PRKD1: variants seen among roughly 807,000 people sequenced by gnomAD.
PRKD1 encodes serine/threonine-protein kinase D1.
PRKD1 carries 63 observed loss-of-function variants against 95.9 expected under a neutral mutation model. The observed-to-expected ratio is 0.66, with a 90% confidence interval of 0.54 to 0.81. The LOEUF (loss-of-function observed/expected upper bound fraction) is 0.81, where lower values mean the gene tolerates loss of function less well. Among genes scored for constraint, PRKD1 ranks in the 30% least tolerant of loss-of-function variants. PRKD1 has a pLI of 0.00. For missense variants in PRKD1, 1,048 were observed against 1,165.3 expected, an observed-to-expected ratio of 0.90 and a Z score of 1.47; for synonymous variants, 425 against 423.1, an observed-to-expected ratio of 1.00 and a Z score of -0.05.
chr14:29,779,761 T>C (rs1291136321), intron 1 of PRKD1, among the ~76,000 whole-genome samples: 1 of 152,160 alleles, frequency 6.6e-6, no homozygotes, highest in Non-Finnish European at 1.5e-5. Context: ...TACCAATGAC[T>C]TTCTTCACAG....
At chr14:29,856,689 G>A (rs1892518069) in intron 1 of PRKD1, among the ~76,000 whole-genome samples, 1 of 152,154 alleles carries the variant, frequency 6.6e-6, no homozygotes, top group Admixed American at 6.5e-5. Context: ...TGAAGTCCAG[G>A]AAAGAGTCCA....
intron 6 of PRKD1, among the ~76,000 whole-genome samples, chr14:29,638,078 AT>A (rs796418866): frequency 2.0e-5 from 3 of 150,970 alleles, no homozygotes; most frequent in Non-Finnish European, 3.0e-5. Context: ...AAATACATCT[AT>A]TTTTTTTTGG....
intron 1 of PRKD1, among the ~76,000 whole-genome samples, chr14:29,839,561 G>C (rs1435061476): frequency 6.6e-6 from 1 of 152,150 alleles, no homozygotes; most frequent in Non-Finnish European, 1.5e-5. Flanking sequence ...AGCTCCACCA[G>C]GCAGTGCCCC....
At chr14:29,687,478 G>A (rs1883949271) in intron 2 of PRKD1, among the ~76,000 whole-genome samples, 1 of 152,146 alleles carries the variant, frequency 6.6e-6, no homozygotes, top group African/African-American at 2.4e-5. Context: ...CTTCTTCAAG[G>A]TCAACAGCCT....
At chr14:29,844,074 G>C (rs17388480) in intron 1 of PRKD1, among the ~76,000 whole-genome samples, 24,011 of 152,174 alleles carry the variant, frequency 0.16, 2,055 homozygotes, top group Non-Finnish European at 0.2. Context: ...TTGTGTGGAG[G>C]GCCTGGGATA....
chr14:29,865,496 G>A (rs569837062), intron 1 of PRKD1, among the ~76,000 whole-genome samples: 5 of 152,148 alleles, frequency 3.3e-5, no homozygotes, highest in Non-Finnish European at 7.4e-5. Context: ...TATTGTTTGA[G>A]TTGGTTCATT....
chr14:29,632,016 GT>G (rs1880040123), intron 9 of PRKD1, among the ~76,000 whole-genome samples: 1 of 151,268 alleles, frequency 6.6e-6, no homozygotes, highest in Non-Finnish European at 1.5e-5. Context: ...GGCCAGGCTG[GT>G]CTAGAACTCC....
At chr14:29,684,012 C>T (rs1000423483) in intron 2 of PRKD1, among the ~76,000 whole-genome samples, 1 of 152,190 alleles carries the variant, frequency 6.6e-6, no homozygotes, top group African/African-American at 2.4e-5. Flanking sequence ...GCCCAAATGT[C>T]TTAATGCCGT....
At chr14:29,776,256 A>G (rs1286336879) in intron 1 of PRKD1, among the ~76,000 whole-genome samples, 1 of 152,220 alleles carries the variant, frequency 6.6e-6, no homozygotes, top group Non-Finnish European at 1.5e-5. Context: ...CTCCAAAGGA[A>G]TGCAGCTCCT....
chr14:29,695,324 ATC>A (rs1404633033), intron 2 of PRKD1, among the ~76,000 whole-genome samples: 3 of 152,048 alleles, frequency 2.0e-5, no homozygotes, highest in African/African-American at 7.3e-5. Context: ...GAGTGATATG[ATC>A]CAGTGTAGAA....
chr14:29,910,359 G>A lies in PRKD1; in HGVS notation c.264+16890C>T, dbSNP rs561670733. 2.0e-4 allele frequency among the ~76,000 whole-genome samples: 30 copies of A among 152,136 alleles called. 1 individual carries two copies. In the South Asian group the frequency reaches 6.0e-3, roughly 31 times the overall value. Reference sequence around the variant, plus strand: ...ACCAGAAGGAATAAACTCTGAACACGTCCGAACATCAGAAGGAACAAACTC... The same window carrying A: ...ACCAGAAGGAATAAACTCTGAACACATCCGAACATCAGAAGGAACAAACTC... On this transcript the variant is annotated intron_variant, in intron 1 of 17. Coordinates refer to ENST00000331968, the MANE Select transcript of PRKD1 (RefSeq NM_002742.3).
intron 2 of PRKD1, among the ~76,000 whole-genome samples, chr14:29,712,820 A>G (rs1885398504): frequency 2.6e-5 from 4 of 152,160 alleles, no homozygotes; most frequent in Non-Finnish European, 4.4e-5. Flanking sequence ...AACCAACAGA[A>G]TGAGAGTGCT....
intron 1 of PRKD1, among the ~76,000 whole-genome samples, chr14:29,919,476 G>A (rs555148517): frequency 2.0e-5 from 3 of 152,242 alleles, no homozygotes; most frequent in South Asian, 2.1e-4. Flanking sequence ...ACAGAACAAC[G>A]TGAATTTCTC....
intron 1 of PRKD1, among the ~76,000 whole-genome samples, chr14:29,730,715 C>G (rs371615805): frequency 1.2e-4 from 19 of 152,102 alleles, no homozygotes; most frequent in African/African-American, 4.3e-4. Flanking sequence ...TATTAACATT[C>G]CGGACATGAT....
intron 4 of PRKD1, among the ~76,000 whole-genome samples, chr14:29,644,115 G>A (rs1880974722): frequency 6.6e-6 from 1 of 152,184 alleles, no homozygotes; most frequent in Non-Finnish European, 1.5e-5. Flanking sequence ...TAGTGGATGA[G>A]ACGTTTCAAT....
At chr14:29,616,847 T>C (rs538490387) in intron 13 of PRKD1, among the ~76,000 whole-genome samples, 10 of 152,334 alleles carry the variant, frequency 6.6e-5, no homozygotes, top group Non-Finnish European at 1.2e-4. Flanking sequence ...GGGTTTGTTA[T>C]ATAGTTGAAT....
chr14:29,904,545 A>T (rs1342111904), intron 1 of PRKD1, among the ~76,000 whole-genome samples: 7 of 152,194 alleles, frequency 4.6e-5, no homozygotes, highest in Non-Finnish European at 8.8e-5. Flanking sequence ...CAGCTGATAA[A>T]TGTTAGCTAT....
chr14:29,736,817 C>A (rs966357766), intron 1 of PRKD1, among the ~76,000 whole-genome samples: 10 of 152,152 alleles, frequency 6.6e-5, no homozygotes, highest in African/African-American at 9.7e-5. Context: ...ACTATAAATT[C>A]ATGGTTGGCC....
chr14:29,800,011 G>C (rs1889962250), intron 1 of PRKD1, among the ~76,000 whole-genome samples: 1 of 152,080 alleles, frequency 6.6e-6, no homozygotes, highest in South Asian at 2.1e-4. Flanking sequence ...GTGCAAGAAA[G>C]CTGTTATGTG....
Sources: gnomAD v4.1 joint callset for allele counts (sites outside exome capture counted in the v4.1 genomes callset) on GRCh38, gnomAD v4.1.1 for gene constraint, MANE v1.5 for transcripts, NCBI Gene and HGNC (gene_info 2026-07-23, HGNC 2026-07-21) for gene names.